Variants in MKRN2 observed in about 807,000 individuals in gnomAD.
The protein encoded by MKRN2 is E3 ubiquitin-protein ligase makorin-2.
Under a neutral mutation model 45.4 loss-of-function variants are expected in MKRN2, and 32 were observed. The ratio of observed to expected loss-of-function variants is 0.70; its 90% CI spans 0.53 to 0.95. The LOEUF (loss-of-function observed/expected upper bound fraction) is 0.95, where lower values mean the gene tolerates loss of function less well. Ranked by LOEUF, MKRN2 falls within the 40% of genes least tolerant of loss-of-function variation. The pLI, the probability that MKRN2 is intolerant of heterozygous loss-of-function variation, is 0.00. For missense variants in MKRN2, 526 were observed against 536.7 expected (o/e 0.98, Z 0.20); for synonymous variants, 206 against 192.4 (o/e 1.07, Z -0.59).
chr3:12,560,722 A>G (rs2058030172), intron 1 of MKRN2: 1 of 152,168 alleles, frequency 6.6e-6, no homozygotes, highest in Admixed American at 6.5e-5. Context: ...ACCCAGGGTA[A>G]CACCCCTTTG....
At chr3:12,581,244 A>G (rs1437532444) in intron 6 of MKRN2, among the ~76,000 whole-genome samples, 1 of 152,242 alleles carries the variant, frequency 6.6e-6, no homozygotes, top group Non-Finnish European at 1.5e-5. Context: ...TCCAAAGCAC[A>G]TAAGGCGTGA....
rs907189038 is a variant in MKRN2, at chr3:12,568,519, C to T, written c.27-356C>T. On this transcript the variant is annotated intron_variant, in intron 1 of 7. Transcript: ENST00000170447. ...GTCTTGAGCCCAGATCTTCTGGTTTCGTTAGTCATGCCCTTTAAGCTCCTT... is the reference window on the plus strand; with the variant it reads ...GTCTTGAGCCCAGATCTTCTGGTTTTGTTAGTCATGCCCTTTAAGCTCCTT... Among the ~76,000 whole-genome samples the T allele has an allele frequency of 3.3e-5, 5 of 152,320 alleles. No homozygotes were observed. The South Asian group carries it at 6.2e-4, about 19-fold the overall frequency.
rs1347639185 is a variant in MKRN2, at chr3:12,576,940, T to G, written c.968+199T>G. The G allele has an allele frequency of 6.2e-4, 156 of 251,534 alleles. 3 individuals carry two copies. Among genetic ancestry groups the G allele is most frequent in the Non-Finnish European group, 8.1e-4 (110 of 136,616 alleles). The allele number at this position is 251,534 out of a possible 1,614,324, so 15.6% of individuals were successfully genotyped here. Reference sequence around the variant, plus strand: ...GACCTGTTTAGTTTTGGTGTTTTTTTTTTTTTTTTTTTTTTTTCGGTGAGA... The same window carrying G: ...GACCTGTTTAGTTTTGGTGTTTTTTGTTTTTTTTTTTTTTTTTCGGTGAGA... On this transcript the variant is annotated intron_variant, in intron 6 of 7. Transcript: ENST00000170447.
Position 12,582,229 on chromosome 3 carries a change from T to C in MKRN2, c.1227T>C (p.Ser409=), listed in dbSNP as rs1329692788. Residue 409 remains serine (S), a synonymous_variant, in exon 8 of 8, where the codon TCT becomes TCC. Coordinates refer to ENST00000170447, the MANE Select transcript of MKRN2 (RefSeq NM_014160.5). The part of the protein sequence containing the change: ...TELGDLFMHL[S]GVESSEP Reference sequence around the variant, plus strand: ...TCGGGGACCTCTTCATGCACCTTTCTGGAGTGGAATCATCAGAACCCTAAA... The same window carrying C: ...TCGGGGACCTCTTCATGCACCTTTCCGGAGTGGAATCATCAGAACCCTAAA... The C allele has an allele frequency of 1.9e-6, 3 of 1,614,122 alleles. No individual in the cohort carries two copies. The highest frequency in any genetic ancestry group is 2.5e-6 in the Non-Finnish European group (3 of 1,180,026).
In MKRN2 at chr3:12,575,655, C is replaced by T. The variant is rs532403664; in HGVS notation, c.857+649C>T. 4.6e-5 allele frequency among the ~76,000 whole-genome samples: 7 copies of T among 152,308 alleles called. No homozygotes were observed. The South Asian group carries it at 8.3e-4, about 18-fold the overall frequency. On this transcript the variant is annotated intron_variant, in intron 5 of 7. Transcript: ENST00000170447. Reference sequence around the variant, plus strand: ...GGGGGTCAAGTAATTTGCCTAAAATCGTGTGGTGAAACAACTGCTCTATTG... The same window carrying T: ...GGGGGTCAAGTAATTTGCCTAAAATTGTGTGGTGAAACAACTGCTCTATTG...
chr3:12,562,726 C>A (rs186556242), intron 1 of MKRN2, among the ~76,000 whole-genome samples: 234 of 152,096 alleles, frequency 1.5e-3, no homozygotes, highest in African/African-American at 5.4e-3. Context: ...GCATTAGATT[C>A]TAATAGAAGC....
chr3:12,570,571 C>T (rs1159649740), intron 3 of MKRN2, among the ~76,000 whole-genome samples: 1 of 151,998 alleles, frequency 6.6e-6, no homozygotes, highest in African/African-American at 2.4e-5. Context: ...GCATCAAGCT[C>T]TTCATTTCAA....
chr3:12,559,146 G>T (rs550844743), intron 1 of MKRN2, among the ~76,000 whole-genome samples: 1 of 152,314 alleles, frequency 6.6e-6, no homozygotes, highest in South Asian at 2.1e-4. Flanking sequence ...ACTCACAAAA[G>T]GGTGTAAAGG....
intron 3 of MKRN2, 103 bp downstream of exon 3, chr3:12,570,355 A>C: frequency 8.8e-6 from 10 of 1,141,534 alleles, no homozygotes; most frequent in East Asian, 2.5e-5. Flanking sequence ...TCCTAACCTA[A>C]TACACCTCCA....
At chr3:12,567,522 C>G (rs1437927619) in intron 1 of MKRN2, among the ~76,000 whole-genome samples, 1 of 103,482 alleles carries the variant, frequency 9.7e-6, no homozygotes, top group Admixed American at 1.3e-4. Context: ...AGTTTTTGCT[C>G]TTGTCACCCA....
intron 1 of MKRN2, among the ~76,000 whole-genome samples, chr3:12,558,501 G>C (rs1257149588): frequency 6.6e-6 from 1 of 152,090 alleles, no homozygotes; most frequent in East Asian, 1.9e-4. Flanking sequence ...ATTTATTCCC[G>C]TACCTCATCT....
chr3:12,578,756 G>C (rs1037014108), intron 6 of MKRN2, among the ~76,000 whole-genome samples: 4 of 152,064 alleles, frequency 2.6e-5, no homozygotes, highest in African/African-American at 9.7e-5. Flanking sequence ...ATCTGCAGGA[G>C]GGTTGGGTAT....
chr3:12,567,423 C>T (rs1483287996), intron 1 of MKRN2, among the ~76,000 whole-genome samples: 5 of 151,372 alleles, frequency 3.3e-5, no homozygotes, highest in Admixed American at 1.3e-4. Context: ...GTGCATACCA[C>T]CATGCTAGGC....
At chr3:12,569,173 T>C (rs1328575734) in intron 2 of MKRN2, among the ~76,000 whole-genome samples, 170 bp downstream of exon 2, 1 of 152,208 alleles carries the variant, frequency 6.6e-6, no homozygotes, top group Non-Finnish European at 1.5e-5. Flanking sequence ...CTTTTCTTTT[T>C]TTTTTTGAGA....
At chr3:12,579,536 C>T (rs565022315) in intron 6 of MKRN2, among the ~76,000 whole-genome samples, 5 of 152,200 alleles carry the variant, frequency 3.3e-5, no homozygotes, top group Non-Finnish European at 7.3e-5. Flanking sequence ...ACCAGTTCTT[C>T]ATGAGGGACC....
At position 12,570,268 on chromosome 3, in the gene MKRN2, C is replaced by A; in HGVS notation, c.337+16C>A. On this transcript the variant is annotated intron_variant, in intron 3 of 7. Transcript: ENST00000170447. ...AGAGACCGAAGTGAGTAAGCGGAAG[C>A]CTTTTGTTGCGTCTTTTTGCATAGC... 1 of 1,606,648 alleles carries A rather than the reference C, an allele frequency of 6.2e-7. No individual in the cohort carries two copies.
At chr3:12,572,574 T>C (rs1188490819) in intron 4 of MKRN2, among the ~76,000 whole-genome samples, 1 of 151,532 alleles carries the variant, frequency 6.6e-6, no homozygotes, top group African/African-American at 2.4e-5. Context: ...CAGGTTCTTT[T>C]TCCTGCAGTC....
rs1314580605 is a variant in MKRN2, at chr3:12,574,774, T to C, written c.643-18T>C. 1 of 1,607,414 alleles carries C rather than the reference T, an allele frequency of 6.2e-7. No individual in the cohort carries two copies. ...CAGTGGCCCACAACCAAAGCCTTCC[T>C]TCCTGTCTGTGCTTCAGATCTGCAT... On this transcript the variant is annotated intron_variant, in intron 4 of 7. Coordinates refer to ENST00000170447, the MANE Select transcript of MKRN2 (RefSeq NM_014160.5).
intron 6 of MKRN2, among the ~76,000 whole-genome samples, chr3:12,580,108 G>A (rs2058167661): frequency 6.6e-6 from 1 of 152,118 alleles, no homozygotes; most frequent in South Asian, 2.1e-4. Flanking sequence ...AGTTGGGTGT[G>A]AGAGCCGAGG....
Sources: gnomAD v4.1 joint callset for allele counts (sites outside exome capture counted in the v4.1 genomes callset) on GRCh38, gnomAD v4.1.1 for gene constraint, MANE v1.5 for transcripts, NCBI Gene and HGNC (gene_info 2026-07-23, HGNC 2026-07-21) for gene names.